Variants in GABRR2 observed in about 807,000 individuals in gnomAD.
GABRR2 encodes the protein gamma-aminobutyric acid receptor subunit rho-2.
GABRR2 carries 36 observed loss-of-function variants against 47.0 expected under a neutral mutation model. The ratio of observed to expected loss-of-function variants is 0.77; its 90% confidence interval spans 0.59 to 1.01. GABRR2 has a LOEUF of 1.01. Ranked by LOEUF, GABRR2 falls within the 50% of genes least tolerant of loss-of-function variation. The pLI, the probability that GABRR2 is intolerant of heterozygous loss-of-function variation, is 0.00. For missense variants in GABRR2, 587 were observed against 594.6 expected (o/e 0.99, Z 0.13); for synonymous variants, 204 against 227.5 (o/e 0.90, Z 0.93).
intron 1 of GABRR2, among the ~76,000 whole-genome samples, chr6:89,310,108 G>A (rs1387615158): frequency 6.6e-6 from 1 of 151,970 alleles, no homozygotes; most frequent in Non-Finnish European, 1.5e-5. Context: ...GTATAATGAT[G>A]TATATCCACC....
Position 89,271,565 on chromosome 6 carries a change from T to A in GABRR2, c.288+90A>T, listed in dbSNP as rs1164197344. 18 of 1,167,308 alleles carry A rather than the reference T, an allele frequency of 1.5e-5. No individual in the cohort carries two copies. The Admixed American group carries it at 3.6e-4, about 23-fold the overall frequency. 72.3% of individuals were successfully genotyped at this position (1,167,308 alleles called of 1,614,324 possible). A position where few individuals can be genotyped will look rare whatever the true frequency, so the allele number is the denominator to read the frequency against. On this transcript the variant is annotated intron_variant, in intron 3 of 8. Transcript: ENST00000402938. ...AAGCGCCCATTTTATCACCTCCAGC[T>A]CCCGCTCTGCCCACACAGGCACAGC...
At chr6:89,265,909 T>C (rs1178146173) in intron 6 of GABRR2, 144 bp from the exon 7 acceptor site, 2 of 709,840 alleles carry the variant, frequency 2.8e-6, no homozygotes, top group African/African-American at 3.6e-5. Context: ...ATATAATACC[T>C]TTCTTTTCCA....
At chr6:89,269,268 G>T in intron 3 of GABRR2, 34 bp from the exon 4 acceptor site, 10 of 1,549,216 alleles carry the variant, frequency 6.5e-6, no homozygotes, top group Non-Finnish European at 8.9e-6. Flanking sequence ...GACAAAAATG[G>T]CTTAGAAGGT....
chr6:89,274,850 A>G (rs1006550939), intron 2 of GABRR2, among the ~76,000 whole-genome samples: 1 of 152,004 alleles, frequency 6.6e-6, no homozygotes, highest in African/African-American at 2.4e-5. Context: ...CATGGGCAAT[A>G]GAGTGAGACC....
At chr6:89,268,666 C>G (rs995766838) in intron 4 of GABRR2, among the ~76,000 whole-genome samples, 14 of 140,072 alleles carry the variant, frequency 1.0e-4, no homozygotes, top group South Asian at 7.1e-4. Context: ...CGGGGGGGGG[C>G]TTTTTTTTTA....
intron 1 of GABRR2, chr6:89,301,868 G>A (rs1767447261): frequency 2.6e-6 from 3 of 1,144,386 alleles, no homozygotes; most frequent in African/African-American, 1.5e-5. Context: ...GATGAGCATG[G>A]CATAGACCCC....
At chr6:89,314,993 G>A (rs544086673) in intron 1 of GABRR2, 60 bp downstream of exon 1, 1 of 1,476,540 alleles carries the variant, frequency 6.8e-7, no homozygotes, top group East Asian at 2.3e-5. Flanking sequence ...CCATCCCACT[G>A]TGCCACTGCT....
chr6:89,256,693 G>T lies in GABRR2; in HGVS notation c.*977C>A, dbSNP rs938178636. Among the ~76,000 whole-genome samples the T allele has an allele frequency of 6.6e-6, 1 of 152,180 alleles. No individual in the cohort carries two copies. The highest frequency in any genetic ancestry group is 1.9e-4 in the East Asian group (1 of 5,186). Reference sequence around the variant, plus strand: ...CTGGAGGGGCAAAAGACTAAAGTCAGCCATGTGGGCAATCAGCTATAAATC... The same window carrying T: ...CTGGAGGGGCAAAAGACTAAAGTCATCCATGTGGGCAATCAGCTATAAATC... On this transcript the variant is annotated 3_prime_UTR_variant, in exon 9 of 9. Transcript: ENST00000402938.
At chr6:89,310,719 G>A (rs555302559) in intron 1 of GABRR2, among the ~76,000 whole-genome samples, 1 of 149,242 alleles carries the variant, frequency 6.7e-6, no homozygotes, top group Non-Finnish European at 1.5e-5. Context: ...AAGAATGAGT[G>A]AGCATTAGAT....
In GABRR2 at chr6:89,299,807, G is replaced by T; in HGVS notation, c.172C>A (p.Leu58Ile). ...TKIRKGKPQQ[L>I]LRVDEHDFSM... is the part of the protein sequence containing the mutation. ...AAGTCGTGCTCGTCCACTCTGAGAAGCTGCTGAGGCTTTCCCTTCCGGATC... is the reference window on the plus strand; with the variant it reads ...AAGTCGTGCTCGTCCACTCTGAGAATCTGCTGAGGCTTTCCCTTCCGGATC... The change falls in exon 2 of 9, where the codon CTT (leucine) becomes ATT (isoleucine). Residue 58 changes from leucine (L) to isoleucine (I), a missense_variant. By Grantham distance (5) the Leu-to-Ile change is conservative. Transcript: ENST00000402938. The T allele has an allele frequency of 6.2e-7, 1 of 1,613,966 alleles. No individual in the cohort carries two copies. The highest frequency in any genetic ancestry group is 8.5e-7 in the Non-Finnish European group (1 of 1,179,836).
chr6:89,271,543 C>T (rs752825253), intron 3 of GABRR2, 112 bp downstream of exon 3: 57 of 879,272 alleles, frequency 6.5e-5, no homozygotes, highest in Non-Finnish European at 9.9e-5. Context: ...GACTTCCAAG[C>T]GCCCATTTTA....
chr6:89,302,340 C>T (rs1018596875), intron 1 of GABRR2: 1 of 565,514 alleles, frequency 1.8e-6, no homozygotes, highest in African/African-American at 1.9e-5. Flanking sequence ...TGCTGTCCAT[C>T]CACCAGCTGG....
intron 1 of GABRR2, chr6:89,301,671 T>G: frequency 4.0e-6 from 2 of 497,854 alleles, no homozygotes; most frequent in South Asian, 5.1e-5. Context: ...ACCAGGGAGG[T>G]GAAAGATCTC....
At chr6:89,282,949 A>T (rs1361641329) in intron 2 of GABRR2, among the ~76,000 whole-genome samples, 1 of 152,204 alleles carries the variant, frequency 6.6e-6, no homozygotes, top group Non-Finnish European at 1.5e-5. Flanking sequence ...TGCCGACTCC[A>T]TCCTGTGTGC....
chr6:89,297,105 T>C (rs1774568855), intron 2 of GABRR2, among the ~76,000 whole-genome samples: 1 of 152,238 alleles, frequency 6.6e-6, no homozygotes, highest in Non-Finnish European at 1.5e-5. Context: ...GGCCACGTTA[T>C]GACTTTTGAG....
chr6:89,274,583 T>G (rs1221858402), intron 2 of GABRR2, among the ~76,000 whole-genome samples: 1 of 152,104 alleles, frequency 6.6e-6, no homozygotes, highest in East Asian at 1.9e-4. Flanking sequence ...AGAGAGGGGC[T>G]GGGCTGGGTG....
intron 1 of GABRR2, chr6:89,302,857 C>A: frequency 7.6e-7 from 1 of 1,313,162 alleles, no homozygotes; most frequent in African/African-American, 1.5e-5. Flanking sequence ...AAGATGTCTT[C>A]CACCCTCATC....
intron 2 of GABRR2, among the ~76,000 whole-genome samples, chr6:89,285,890 T>C (rs559913642): frequency 1.3e-5 from 2 of 152,092 alleles, no homozygotes; most frequent in South Asian, 4.2e-4. Context: ...CCTCTCTCCA[T>C]GGGGTGCCCT....
chr6:89,275,793 G>A (rs1410944729), intron 2 of GABRR2, among the ~76,000 whole-genome samples: 1 of 152,072 alleles, frequency 6.6e-6, no homozygotes, highest in African/African-American at 2.4e-5. Flanking sequence ...GTGGAGCTTC[G>A]TACTTCATAT....
Sources: allele counts gnomAD v4.1 joint callset (sites outside exome capture counted in the v4.1 genomes callset), GRCh38; gene constraint gnomAD v4.1.1; transcripts MANE v1.5; gene names NCBI Gene and HGNC (gene_info 2026-07-23, HGNC 2026-07-21).